Variants in UIMC1 observed in about 807,000 individuals in gnomAD.
UIMC1 encodes the protein BRCA1-A complex subunit RAP80.
A neutral mutation model predicts 84.9 loss-of-function variants in UIMC1; 42 were observed. The ratio of observed to expected loss-of-function variants is 0.49; its 90% CI spans 0.39 to 0.64. UIMC1 has a LOEUF of 0.64. Ranked by LOEUF, UIMC1 falls within the 30% of genes least tolerant of loss-of-function variation. The probability of loss-of-function intolerance (pLI) is 0.00; values close to 1 mark genes in which losing one functional copy is unlikely to be tolerated. For synonymous variants in UIMC1, 281 were observed against 293.0 expected, an observed-to-expected ratio of 0.96 and a Z score of 0.42; for missense variants, 825 against 847.6, an observed-to-expected ratio of 0.97 and a Z score of 0.33.
rs1368366632 is a variant in UIMC1, at chr5:176,906,044, G to A, written c.1916C>T (p.Ala639Val). ...LEQSEHKTSD[A>V]DIKSSETGAF... ...TCCTGTTTCTGAAGACTTGATGTCT[G>A]CATCTGTGATATAAAAGAAAAAATA... The change falls in exon 14 of 15, where the codon GCA becomes GTA. Residue 639 changes from alanine (A) to valine (V), a missense_variant. Physicochemically the swap from Ala to Val is moderately conservative, Grantham distance 64 (BLOSUM62 0). Transcript: ENST00000511320. 1 of 1,613,794 alleles carries A rather than the reference G, an allele frequency of 6.2e-7. No individual in the cohort carries two copies. Among genetic ancestry groups the A allele is most frequent in the Non-Finnish European group, 8.5e-7 (1 of 1,179,820 alleles).
At position 177,014,501 on chromosome 5, in the gene UIMC1, T is replaced by C. The variant is rs139484115; in HGVS notation, c.-9+7963A>G. Among the ~76,000 whole-genome samples the C allele has an allele frequency of 2.7e-3, 411 of 152,266 alleles. 1 individual carries two copies. The highest frequency in any genetic ancestry group is 9.6e-3 in the African/African-American group (401 of 41,560). On this transcript the variant is annotated intron_variant, in intron 1 of 5. Coordinates refer to the UIMC1 transcript ENST00000509236. Reference sequence around the variant, plus strand: ...TGTTAATTCTTTTCTGCACAATATGTAATGCTGTGGTTGAAACTTGGGGTG... The same window carrying C: ...TGTTAATTCTTTTCTGCACAATATGCAATGCTGTGGTTGAAACTTGGGGTG...
chr5:176,981,804 A>G (rs1285588983), intron 2 of UIMC1, among the ~76,000 whole-genome samples: 1 of 152,074 alleles, frequency 6.6e-6, no homozygotes. Flanking sequence ...AAAAAAATAT[A>G]TAGGAGAAAG....
chr5:176,918,009 A>C (rs2149401703), intron 10 of UIMC1, among the ~76,000 whole-genome samples: 1 of 152,344 alleles, frequency 6.6e-6, no homozygotes, highest in African/African-American at 2.4e-5. Context: ...GCCACATTTC[A>C]AATGCTCAAT....
Position 176,943,461 on chromosome 5 carries a change from C to T in UIMC1, c.1471G>A (p.Glu491Lys), listed in dbSNP as rs1482715401. 1 of 1,614,108 alleles carries T rather than the reference C, an allele frequency of 6.2e-7. No individual in the cohort carries two copies. Among genetic ancestry groups the T allele is most frequent in the Admixed American group, 1.7e-5 (1 of 60,010 alleles). Residue 491 changes from glutamate to lysine, a missense_variant, in exon 10 of 15, where the codon GAA (glutamate) becomes AAA (lysine). Physicochemically the swap from Glu to Lys is moderately conservative, Grantham distance 56. Coordinates refer to ENST00000511320, the MANE Select transcript of UIMC1 (RefSeq NM_001199298.2). ...EVGNKEDAEK[E>K]VAISTFSSSN... is the part of the protein sequence containing the mutation. Reference sequence around the variant, plus strand: ...GATGAGAAGGTAGAAATAGCTACTTCCTTCTCAGCATCTTCCTTGTTACCA... The same window carrying T: ...GATGAGAAGGTAGAAATAGCTACTTTCTTCTCAGCATCTTCCTTGTTACCA...
intron 3 of UIMC1, among the ~76,000 whole-genome samples, chr5:176,972,355 T>C (rs1212884055): frequency 2.7e-5 from 4 of 149,948 alleles, no homozygotes; most frequent in Non-Finnish European, 5.9e-5. Context: ...TGAGCAGAGA[T>C]GCGCCACTGC....
At chr5:176,957,976 A>T in intron 7 of UIMC1, 117 bp downstream of exon 7, 1 of 856,128 alleles carries the variant, frequency 1.2e-6, no homozygotes, top group Non-Finnish European at 1.7e-6. Context: ...GTCTTCACTT[A>T]TAAAAGAGCT....
chr5:176,932,858 C>CT (rs749495757), intron 10 of UIMC1, among the ~76,000 whole-genome samples: 6,114 of 106,538 alleles, frequency 0.057, 659 homozygotes, highest in African/African-American at 0.2. Flanking sequence ...AATAGCAATG[C>CT]TTTTTTTTTT....
chr5:176,995,535 T>TC (rs1773476963), intron 1 of UIMC1, among the ~76,000 whole-genome samples: 1 of 58,388 alleles, frequency 1.7e-5, no homozygotes, highest in African/African-American at 9.4e-5. Flanking sequence ...AGACTCTGTC[T>TC]CCAAAAAAAA....
intron 10 of UIMC1, among the ~76,000 whole-genome samples, chr5:176,916,222 G>C (rs2149399030): frequency 6.6e-6 from 1 of 152,308 alleles, no homozygotes; most frequent in Non-Finnish European, 1.5e-5. Flanking sequence ...CCAAACTGCT[G>C]ATGACAGCAG....
At chr5:176,964,659 AT>A (rs1266627697) in intron 6 of UIMC1, among the ~76,000 whole-genome samples, 1 of 152,234 alleles carries the variant, frequency 6.6e-6, no homozygotes, top group Non-Finnish European at 1.5e-5. Context: ...AAATAATATG[AT>A]CTGAACCATA....
chr5:177,005,700 G>T (rs1314777492), intron 1 of UIMC1, among the ~76,000 whole-genome samples: 1 of 151,594 alleles, frequency 6.6e-6, no homozygotes, highest in African/African-American at 2.4e-5. Context: ...CGACTACAAG[G>T]CACTGCCTCC....
intron 2 of UIMC1, among the ~76,000 whole-genome samples, chr5:176,979,205 G>A (rs752190136): frequency 5.9e-5 from 9 of 152,198 alleles, no homozygotes; most frequent in Non-Finnish European, 1.3e-4. Context: ...TGGTAGATAT[G>A]TCTAATCACC....
In UIMC1 at chr5:176,930,536, T is replaced by C. The variant is rs113926331; in HGVS notation, c.1597+12799A>G. The stretch of plus-strand genomic sequence containing the variant: ...AAGACTGTTATGAGGATTAGAACAA[T>C]ATACAAAAAGCACTGTTACTGGTAT... On this transcript the variant is annotated intron_variant, in intron 10 of 14. Transcript: ENST00000511320. Among the ~76,000 whole-genome samples, 643 of 152,332 alleles carry C rather than the reference T, an allele frequency of 4.2e-3. 9 individuals are homozygous for C. Among genetic ancestry groups the C allele is most frequent in the African/African-American group, 0.014 (597 of 41,578 alleles).
intron 8 of UIMC1, among the ~76,000 whole-genome samples, chr5:176,952,697 C>T (rs1294554397): frequency 1.3e-5 from 2 of 151,968 alleles, no homozygotes; most frequent in African/African-American, 4.8e-5. Flanking sequence ...TTTGGGAAGA[C>T]GAGGCGGGAG....
At chr5:176,948,383 T>TC (rs1366093577) in intron 9 of UIMC1, among the ~76,000 whole-genome samples, 1 of 152,216 alleles carries the variant, frequency 6.6e-6, no homozygotes, top group African/African-American at 2.4e-5. Context: ...ACATGATACT[T>TC]CTACTTGTGA....
intron 2 of UIMC1, among the ~76,000 whole-genome samples, chr5:176,981,672 G>T (rs957651021): frequency 6.6e-6 from 1 of 151,978 alleles, no homozygotes; most frequent in African/African-American, 2.4e-5. Flanking sequence ...ATAATGGCTT[G>T]AGCCTGTAGT....
chr5:176,925,922 T>C (rs1178604693), intron 10 of UIMC1, among the ~76,000 whole-genome samples: 2 of 152,212 alleles, frequency 1.3e-5, no homozygotes, highest in East Asian at 1.9e-4. Flanking sequence ...TGCTTAAGTA[T>C]TTCAGGGAAA....
intron 10 of UIMC1, among the ~76,000 whole-genome samples, chr5:176,922,156 T>C (rs1761788702): frequency 6.6e-6 from 1 of 152,202 alleles, no homozygotes; most frequent in Non-Finnish European, 1.5e-5. Flanking sequence ...TTGCCTTGTT[T>C]TTCTTAAATT....
chr5:176,991,806 A>T (rs191756549), intron 1 of UIMC1, among the ~76,000 whole-genome samples: 1 of 151,812 alleles, frequency 6.6e-6, no homozygotes, highest in Non-Finnish European at 1.5e-5. Flanking sequence ...GTGGCAGGCA[A>T]CTGTAGTCCC....
Sources: allele counts gnomAD v4.1 joint callset (sites outside exome capture counted in the v4.1 genomes callset), GRCh38; gene constraint gnomAD v4.1.1; transcripts MANE v1.5; gene names NCBI Gene and HGNC (gene_info 2026-07-23, HGNC 2026-07-21).